Variants in CLASRP observed in about 807,000 individuals in gnomAD.
The protein encoded by CLASRP is CLK4-associating serine/arginine rich protein.
Under a neutral mutation model 99.9 loss-of-function variants are expected in CLASRP, and 52 were observed. That is an observed-to-expected ratio of 0.52 (90% CI 0.42 to 0.66). The LOEUF (loss-of-function observed/expected upper bound fraction) is 0.66. Among genes scored for constraint, CLASRP ranks in the 30% least tolerant of loss-of-function variants. The pLI is 0.00. For missense variants in CLASRP, 848 were observed against 999.2 expected (o/e 0.85, Z 2.04); for synonymous variants, 379 against 373.0 (o/e 1.02, Z -0.18).
rs59705171 is a variant in CLASRP at position 45,068,321 on chromosome 19, A to ACC, written c.1708-90_1708-89dup. The ACC allele has an allele frequency of 1.1e-3, 442 of 388,350 alleles. 1 individual carries two copies. Among genetic ancestry groups the ACC allele is most frequent in the African/African-American group, 1.4e-3 (53 of 37,766 alleles). The allele number at this position is 388,350 out of a possible 1,614,324, so 24.1% of individuals were successfully genotyped here. Reference sequence around the variant, plus strand: ...CTCCCCACGTCGTTCTCCCCCCCCCACCCCCCCCCCGCACAAAGCCCCAGG... The same window carrying ACC: ...CTCCCCACGTCGTTCTCCCCCCCCCACCCCCCCCCCCCGCACAAAGCCCCAGG... On this transcript the variant is annotated intron_variant, in intron 15 of 20. Transcript: ENST00000221455.
Position 45,064,058 on chromosome 19 carries a change from C to T in CLASRP, c.952C>T (p.Pro318Ser), listed in dbSNP as rs780775283. Residue 318 changes from proline to serine, a missense_variant, in exon 12 of 21, where the codon CCG becomes TCG. By Grantham distance (74) the Pro-to-Ser change is moderately conservative. Coordinates refer to ENST00000221455, the MANE Select transcript of CLASRP (RefSeq NM_007056.3). ...AGAGTCCCGCTCCCGCTCCCGCTCC[C>T]CGACCCCGGGCCGCGAGGAGAAGAT... ...SSESRSRSRS[P>S]TPGREEKITF... 1.2e-6 allele frequency: 2 copies of T among 1,612,020 alleles called. No homozygotes were observed. Among genetic ancestry groups the T allele is most frequent in the Non-Finnish European group, 1.7e-6 (2 of 1,179,670 alleles).
At chr19:45,045,546 T>C (rs1264453329) in intron 2 of CLASRP, among the ~76,000 whole-genome samples, 1 of 152,050 alleles carries the variant, frequency 6.6e-6, no homozygotes, top group East Asian at 1.9e-4. Context: ...TGTTTTCCCG[T>C]AACATTTCCA....
Position 45,067,477 on chromosome 19 carries a change from G to A in CLASRP, c.1550G>A (p.Ser517Asn). 6.4e-7 allele frequency: 1 copy of A among 1,565,176 alleles called. No individual in the cohort carries two copies. The highest frequency in any genetic ancestry group is 8.6e-7 in the Non-Finnish European group (1 of 1,160,848). Residue 517 changes from serine (S) to asparagine (N), a missense_variant, in exon 14 of 21, where the codon AGC (serine) becomes AAC (asparagine). Transcript: ENST00000221455. The surrounding 1 kb of genome is among the most constrained non-coding windows in gnomAD (Gnocchi z 4.9). Reference sequence around the variant, plus strand: ...ACTCGCAGCCGCAGCCATAGCCCCAGCCCCAGCCAGAGCCGCAGCCGCAGC... The same window carrying A: ...ACTCGCAGCCGCAGCCATAGCCCCAACCCCAGCCAGAGCCGCAGCCGCAGC... The part of the protein sequence containing the change: ...SLTRSRSHSP[S>N]PSQSRSRSRS...
intron 19 of CLASRP, 50 bp from the exon 20 acceptor site, chr19:45,070,487 G>A (rs759737612): frequency 1.3e-6 from 2 of 1,576,664 alleles, no homozygotes; most frequent in South Asian, 1.1e-5. Context: ...CAAGGAAGAG[G>A]CCCTGGCCCT....
intron 20 of CLASRP, 66 bp from the exon 21 acceptor site, chr19:45,070,737 C>A: frequency 7.1e-7 from 1 of 1,417,564 alleles, no homozygotes; most frequent in Non-Finnish European, 1.0e-6. Flanking sequence ...ACTGAAGCAT[C>A]CACGGCCCCA....
At chr19:45,061,833 G>C (rs1600108999) in intron 10 of CLASRP, among the ~76,000 whole-genome samples, 2 of 151,898 alleles carry the variant, frequency 1.3e-5, no homozygotes, top group African/African-American at 4.8e-5. Flanking sequence ...GACCCAGTGA[G>C]AGCCAGAGAC....
chr19:45,042,883 C>T (rs945974912), intron 2 of CLASRP, among the ~76,000 whole-genome samples: 7 of 152,160 alleles, frequency 4.6e-5, no homozygotes, highest in East Asian at 1.9e-4. Flanking sequence ...TCCCAAAGTG[C>T]TGGGATTACA....
At position 45,064,339 on chromosome 19, in the gene CLASRP, G is replaced by A; in HGVS notation, c.1122-4G>A. On this transcript the variant is annotated splice_polypyrimidine_tract_variant and splice_region_variant and intron_variant, in intron 12 of 20. Transcript: ENST00000221455. ...CTGACCGGCCCTCCGTGCCCCGCCTGCAGCCGCCGCTCCTCCTCCTCCTCC... is the reference window on the plus strand; with the variant it reads ...CTGACCGGCCCTCCGTGCCCCGCCTACAGCCGCCGCTCCTCCTCCTCCTCC... 2 of 1,525,050 alleles carry A rather than the reference G, an allele frequency of 1.3e-6. No homozygotes were observed. The highest frequency in any genetic ancestry group is 1.8e-6 in the Non-Finnish European group (2 of 1,140,302). The allele number at this position is 1,525,050 out of a possible 1,614,324, so 94.5% of individuals were successfully genotyped here. A position where few individuals can be genotyped will look rare whatever the true frequency, so the allele number is the denominator to read the frequency against.
intron 19 of CLASRP, 62 bp from the exon 20 acceptor site, chr19:45,070,475 G>A (rs920727778): frequency 6.5e-7 from 1 of 1,536,622 alleles, no homozygotes; most frequent in Non-Finnish European, 9.0e-7. Flanking sequence ...CTCACCCCAG[G>A]TCAAGGAAGA....
rs1967037156 is a variant in CLASRP, at chr19:45,064,576, G to A, written c.1355G>A (p.Arg452Gln). 3 of 1,542,102 alleles carry A rather than the reference G, an allele frequency of 1.9e-6. No homozygotes were observed. The African/African-American group carries it at 4.1e-5, about 21-fold the overall frequency. ...HSGGGSRDGH[R>Q]YSRSPARRGG... ...GGTGGGGGCTCCCGAGACGGACACC[G>A]GTACTCCCGCTCGCCCGCCCGGCGT... is the stretch of plus-strand genomic sequence containing the variant. Residue 452 changes from arginine (R) to glutamine (Q), a missense_variant, in exon 13 of 21, where the codon CGG becomes CAG. This residue lies in a region of CLASRP where 489 missense variants were observed against 434.7 expected (regional missense o/e 1.12). Coordinates refer to ENST00000221455, the MANE Select transcript of CLASRP (RefSeq NM_007056.3).
In CLASRP at chr19:45,060,908, G is replaced by A. The variant is rs549332492; in HGVS notation, c.863+281G>A. On this transcript the variant is annotated intron_variant, in intron 10 of 20. Transcript: ENST00000221455. This position sits in a 1 kb window ranked among gnomAD's most constrained non-coding sequence, Gnocchi z 4.6. The stretch of plus-strand genomic sequence containing the variant: ...GGCGGCATAAGGCTCTCACCAAGGC[G>A]GCAGAGAGGGCACAGGCTTTGCCCT... Among the ~76,000 whole-genome samples the A allele has an allele frequency of 6.6e-5, 10 of 152,174 alleles. No individual in the cohort carries two copies. The highest frequency in any genetic ancestry group is 1.3e-4 in the Non-Finnish European group (9 of 68,036).
At chr19:45,069,338 C>T (rs1967179314) in intron 18 of CLASRP, 90 bp downstream of exon 18, 1 of 1,343,312 alleles carries the variant, frequency 7.4e-7, no homozygotes, top group Non-Finnish European at 1.1e-6. Context: ...CCCTGCCCAG[C>T]TCCCTGTGGG....
intron 2 of CLASRP, among the ~76,000 whole-genome samples, chr19:45,047,022 T>C (rs1167000348): frequency 6.6e-6 from 1 of 151,854 alleles, no homozygotes; most frequent in East Asian, 1.9e-4. Context: ...AGCAAAACTC[T>C]GTCTCCAAAA....
At chr19:45,042,538 T>C (rs975811184) in intron 2 of CLASRP, among the ~76,000 whole-genome samples, 1 of 151,708 alleles carries the variant, frequency 6.6e-6, no homozygotes, top group African/African-American at 2.4e-5. Context: ...TGTGTGTGTA[T>C]GTATGTATAC....
chr19:45,061,253 G>A (rs192823473), intron 10 of CLASRP, among the ~76,000 whole-genome samples: 188 of 152,262 alleles, frequency 1.2e-3, no homozygotes, highest in African/African-American at 4.4e-3. Flanking sequence ...TAGGTTCAGC[G>A]GTTGGTATCG....
chr19:45,039,914 C>T, intron 1 of CLASRP: 1 of 255,230 alleles, frequency 3.9e-6, no homozygotes, highest in Non-Finnish European at 7.9e-6. Flanking sequence ...ATTCCCGACT[C>T]CAGCGCGTGG....
At chr19:45,049,628 AGT>A (rs772794688) in intron 2 of CLASRP, among the ~76,000 whole-genome samples, 9 of 152,128 alleles carry the variant, frequency 5.9e-5, no homozygotes, top group Non-Finnish European at 1.2e-4. Context: ...ATGGAGACAG[AGT>A]GAGGATGTGC....
chr19:45,064,212 G>A lies in CLASRP; in HGVS notation c.1106G>A (p.Arg369His), dbSNP rs555343797. 7 of 1,597,754 alleles carry A rather than the reference G, an allele frequency of 4.4e-6. No homozygotes were observed. The highest frequency in any genetic ancestry group is 2.3e-5 in the East Asian group (1 of 44,222). Residue 369 changes from arginine (R) to histidine (H), a missense_variant, in exon 12 of 21, where the codon CGT (arginine) becomes CAT (histidine). By Grantham distance (29) the Arg-to-His change is conservative (BLOSUM62 0). This residue lies in a region of CLASRP where 489 missense variants were observed against 434.7 expected (regional missense o/e 1.12). Transcript: ENST00000221455. The stretch of plus-strand genomic sequence containing the variant: ...CAGCCTGGCGGCCCCGCCCCGGGAC[G>A]TAATGCCAGCGCCCGGTCGGTAACG... ...PPQPGGPAPG[R>H]NASARRRSSS...
intron 2 of CLASRP, among the ~76,000 whole-genome samples, chr19:45,050,735 G>A (rs1972007351): frequency 6.6e-6 from 1 of 151,924 alleles, no homozygotes; most frequent in Admixed American, 6.6e-5. Flanking sequence ...TTTTGGAGAT[G>A]GAGTCTCGCT....
Sources: allele counts gnomAD v4.1 joint callset (sites outside exome capture counted in the v4.1 genomes callset), GRCh38; gene constraint gnomAD v4.1.1; regional missense constraint gnomAD v4.1.1; non-coding constraint Gnocchi (gnomAD v3.1); transcripts MANE v1.5; gene names NCBI Gene and HGNC (gene_info 2026-07-23, HGNC 2026-07-21).